The following N4BP2 variants were observed in gnomAD, a reference collection of about 807,000 sequenced individuals.
N4BP2 encodes the protein NEDD4-binding protein 2.
A neutral mutation model predicts 152.8 loss-of-function variants in N4BP2; 91 were observed. That is an observed-to-expected ratio of 0.60 (90% CI 0.50 to 0.71). The LOEUF is 0.71. Among genes scored for constraint, N4BP2 ranks in the 30% least tolerant of loss-of-function variants. The pLI is 0.00. For synonymous variants in N4BP2, 646 were observed against 705.3 expected, an observed-to-expected ratio of 0.92 and a Z score of 1.33; for missense variants, 1,923 against 2,059.1, an observed-to-expected ratio of 0.93 and a Z score of 1.28.
intron 2 of N4BP2, among the ~76,000 whole-genome samples, chr4:40,080,687 G>T (rs1319880458): frequency 6.7e-6 from 1 of 150,228 alleles, no homozygotes; most frequent in Admixed American, 6.7e-5. Context: ...TATTTGTTGA[G>T]ATGGAATCTC....
chr4:40,143,389 C>T lies in N4BP2; in HGVS notation c.4974+528C>T, dbSNP rs141691386. 2.4e-3 allele frequency among the ~76,000 whole-genome samples: 358 copies of T among 152,212 alleles called. 1 individual carries two copies. The highest frequency in any genetic ancestry group is 8.2e-3 in the African/African-American group (339 of 41,504). ...AGTATAGTGGTGCAATCTCCGCTAA[C>T]TGCAGCCTTGACCTCCCAGGCTCAG... On this transcript the variant is annotated intron_variant, in intron 15 of 17. Transcript: ENST00000261435.
At chr4:40,095,089 C>G (rs959813394) in intron 2 of N4BP2, among the ~76,000 whole-genome samples, 6 of 143,870 alleles carry the variant, frequency 4.2e-5, no homozygotes, top group Admixed American at 1.4e-4. Context: ...GTTACTATAT[C>G]TTTTTTTTTT....
At chr4:40,125,502 C>T (rs1404171800) in intron 11 of N4BP2, among the ~76,000 whole-genome samples, 6 of 152,176 alleles carry the variant, frequency 3.9e-5, no homozygotes, top group Non-Finnish European at 7.3e-5. Flanking sequence ...CTACAACTTC[C>T]TCTATTTACC....
chr4:40,097,030 C>T (rs1436473552), intron 2 of N4BP2, among the ~76,000 whole-genome samples, 197 bp from the exon 3 acceptor site: 4 of 152,134 alleles, frequency 2.6e-5, no homozygotes, highest in Non-Finnish European at 5.9e-5. Context: ...TTCTGAAATA[C>T]ATATTGTTAA....
intron 16 of N4BP2, among the ~76,000 whole-genome samples, chr4:40,145,590 A>G (rs1193483820): frequency 6.6e-6 from 1 of 152,236 alleles, no homozygotes; most frequent in African/African-American, 2.4e-5. Flanking sequence ...AGAAACTTTA[A>G]GAGCCGTTTA....
At chr4:40,152,158 A>G (rs1476349003) in intron 16 of N4BP2, among the ~76,000 whole-genome samples, 1 of 152,230 alleles carries the variant, frequency 6.6e-6, no homozygotes, top group Admixed American at 6.5e-5. Flanking sequence ...TATCTTTAAT[A>G]GTAAGACTGC....
At chr4:40,064,713 G>T (rs1371241761) in intron 1 of N4BP2, among the ~76,000 whole-genome samples, 1 of 152,196 alleles carries the variant, frequency 6.6e-6, no homozygotes, top group Non-Finnish European at 1.5e-5. Flanking sequence ...GCTAAATCAT[G>T]CTTTGAGATA....
intron 6 of N4BP2, 64 bp from the exon 7 acceptor site, chr4:40,113,368 A>G (rs1356386388): frequency 5.7e-6 from 7 of 1,235,722 alleles, no homozygotes; most frequent in Non-Finnish European, 8.2e-6. Flanking sequence ...ATATATTTGG[A>G]AACAATAATT....
chr4:40,057,395 G>C (rs185734902), intron 1 of N4BP2, among the ~76,000 whole-genome samples: 134 of 152,350 alleles, frequency 8.8e-4, no homozygotes, highest in African/African-American at 3.1e-3. Flanking sequence ...GTTCCCGCCG[G>C]GACCTGACCT....
In N4BP2 at chr4:40,154,217, T is replaced by A; in HGVS notation, c.5293T>A (p.Leu1765Met). The A allele has an allele frequency of 6.2e-7, 1 of 1,600,942 alleles. No individual in the cohort carries two copies. The highest frequency in any genetic ancestry group is 8.5e-7 in the Non-Finnish European group (1 of 1,174,428). ...FRFSEIKPGCLKVMLK is the reference protein window; with the variant it reads ...FRFSEIKPGCMKVMLK Reference sequence around the variant, plus strand: ...GTTCTCTGAAATTAAACCAGGGTGCTTGAAAGTCATGCTAAAGTAAAATAA... The same window carrying A: ...GTTCTCTGAAATTAAACCAGGGTGCATGAAAGTCATGCTAAAGTAAAATAA... Residue 1765 changes from leucine (L) to methionine (M), a missense_variant, in exon 18 of 18, where the codon TTG (leucine) becomes ATG (methionine). By Grantham distance (15) the Leu-to-Met change is conservative. Coordinates refer to ENST00000261435, the MANE Select transcript of N4BP2 (RefSeq NM_018177.6).
intron 16 of N4BP2, among the ~76,000 whole-genome samples, chr4:40,146,376 C>T (rs1720522069): frequency 6.6e-6 from 1 of 152,042 alleles, no homozygotes; most frequent in Non-Finnish European, 1.5e-5. Context: ...TCACAGTACT[C>T]CTACCTCTCA....
At chr4:40,172,475 T>G in the N4BP2 span, among the ~76,000 whole-genome samples, 1 of 152,116 alleles carries the variant, frequency 6.6e-6, no homozygotes, top group Non-Finnish European at 1.5e-5. Flanking sequence ...TGGACCCTAA[T>G]CCAATGTGAC....
intron 8 of N4BP2, among the ~76,000 whole-genome samples, chr4:40,119,453 AG>A (rs966467121): frequency 7.2e-5 from 11 of 152,214 alleles, no homozygotes. Context: ...TTCAAATGAA[AG>A]CTCTTTTTTT....
chr4:40,169,776 C>G, the N4BP2 span, among the ~76,000 whole-genome samples: 4 of 151,150 alleles, frequency 2.6e-5, no homozygotes, highest in African/African-American at 9.7e-5. Flanking sequence ...ACCAGCGTGA[C>G]CAACATGGTG....
intron 3 of N4BP2, among the ~76,000 whole-genome samples, chr4:40,101,390 C>G (rs1235543032): frequency 6.6e-6 from 1 of 152,078 alleles, no homozygotes; most frequent in African/African-American, 2.4e-5. Context: ...TAACTCCTGA[C>G]CTCAGGTGAT....
At chr4:40,174,204 C>T in the N4BP2 span, among the ~76,000 whole-genome samples, 1 of 151,892 alleles carries the variant, frequency 6.6e-6, no homozygotes, top group African/African-American at 2.4e-5. Flanking sequence ...TAGCAAGACA[C>T]TGTCTCTACA....
intron 15 of N4BP2, among the ~76,000 whole-genome samples, chr4:40,143,336 T>G (rs1720219221): frequency 6.6e-6 from 1 of 152,150 alleles, no homozygotes. Context: ...TTTTTTAAGA[T>G]AAGGTCTTGC....
chr4:40,152,302 ACAGT>A (rs1478598910), intron 16 of N4BP2, among the ~76,000 whole-genome samples: 1 of 152,220 alleles, frequency 6.6e-6, no homozygotes, highest in Non-Finnish European at 1.5e-5. Context: ...CCATGGTCAC[ACAGT>A]CATTTAGTGG....
intron 15 of N4BP2, among the ~76,000 whole-genome samples, chr4:40,143,348 C>G (rs1445992026): frequency 1.3e-5 from 2 of 152,088 alleles, no homozygotes; most frequent in South Asian, 2.1e-4. Flanking sequence ...AGGTCTTGCT[C>G]TGTTGCCCAG....
Sources: gnomAD v4.1 joint callset for allele counts (sites outside exome capture counted in the v4.1 genomes callset) on GRCh38, gnomAD v4.1.1 for gene constraint, MANE v1.5 for transcripts, NCBI Gene and HGNC (gene_info 2026-07-23, HGNC 2026-07-21) for gene names.